ATPSCKMT: variants seen among roughly 807,000 people sequenced by gnomAD.
ATPSCKMT encodes the protein ATP synthase subunit C lysine N-methyltransferase.
A neutral mutation model predicts 24.3 loss-of-function variants in ATPSCKMT; 24 were observed. That is an observed-to-expected ratio of 0.99 (90% CI 0.71 to 1.39). The LOEUF (loss-of-function observed/expected upper bound fraction) is 1.39. Ranked by LOEUF, ATPSCKMT falls within the 40% of genes most tolerant of loss-of-function variation. The pLI, the probability that ATPSCKMT is intolerant of heterozygous loss-of-function variation, is 0.00. For missense variants in ATPSCKMT, 311 were observed against 298.4 expected (o/e 1.04, Z -0.31); for synonymous variants, 95 against 110.5 (o/e 0.86, Z 0.88).
intron 1 of ATPSCKMT, among the ~76,000 whole-genome samples, chr5:10,241,771 CTGCAATAAAGTGAGTAT>C (rs1351470564): frequency 1.3e-5 from 2 of 152,152 alleles, no homozygotes; most frequent in African/African-American, 4.8e-5. Flanking sequence ...TTCCAGACCA[CTGCAATAAAGTGAGTAT>C]TGCAATAAAG....
intron 4 of ATPSCKMT, 29 bp from the exon 5 acceptor site, chr5:10,227,676 T>C: frequency 6.2e-7 from 1 of 1,607,264 alleles, no homozygotes; most frequent in Non-Finnish European, 8.5e-7. Flanking sequence ...ATTATTTTAG[T>C]GAGCAGTGAG....
At position 10,238,187 on chromosome 5, in the gene ATPSCKMT, C is replaced by T. The variant is rs138874099; in HGVS notation, c.306+880G>A. On this transcript the variant is annotated intron_variant, in intron 2 of 4. Coordinates refer to ENST00000511437, the MANE Select transcript of ATPSCKMT (RefSeq NM_199133.4). ...GAGATGGGTGGTGGTGATGGTGGCA[C>T]GGCAACGTGAATATGCTTCACACCC... Among the ~76,000 whole-genome samples, 208 of 152,074 alleles carry T rather than the reference C, an allele frequency of 1.4e-3. 1 individual carries two copies. The highest frequency in any genetic ancestry group is 4.3e-3 in the African/African-American group (177 of 41,454).
chr5:10,245,082 T>G (rs1456428145), intron 1 of ATPSCKMT, among the ~76,000 whole-genome samples: 4 of 152,316 alleles, frequency 2.6e-5, no homozygotes, highest in South Asian at 2.1e-4. Context: ...AAGTTGTTAC[T>G]AAGGCATGGT....
intron 1 of ATPSCKMT, among the ~76,000 whole-genome samples, chr5:10,243,354 C>T (rs995989746): frequency 3.9e-5 from 6 of 152,124 alleles, no homozygotes; most frequent in African/African-American, 7.2e-5. Context: ...CGTGGTGGCA[C>T]GCCCCTGTAA....
intron 2 of ATPSCKMT, 151 bp downstream of exon 2, chr5:10,238,916 A>T (rs765056811): frequency 4.2e-4 from 370 of 877,110 alleles, no homozygotes; most frequent in Non-Finnish European, 6.1e-4. Flanking sequence ...ACACACTGGT[A>T]GTTGAATAGT....
In ATPSCKMT at chr5:10,236,497, T is replaced by C; in HGVS notation, c.425A>G (p.Tyr142Cys). ...REGVHGSAKF[Y>C]ISDLWKVTFS... ...ACATACCTTCCACAAATCTGAAATA[T>C]AAAATTTGGCAGATCCATGCACACC... Residue 142 changes from tyrosine to cysteine, a missense_variant, in exon 3 of 5, where the codon TAT (tyrosine) becomes TGT (cysteine). Coordinates refer to ENST00000511437, the MANE Select transcript of ATPSCKMT (RefSeq NM_199133.4). The C allele has an allele frequency of 6.2e-7, 1 of 1,614,164 alleles. No individual in the cohort carries two copies.
intron 4 of ATPSCKMT, among the ~76,000 whole-genome samples, chr5:10,233,771 T>A (rs1744258205): frequency 6.6e-6 from 1 of 152,208 alleles, no homozygotes; most frequent in Admixed American, 6.5e-5. Context: ...TCTATTTTTA[T>A]AAAGCACAGA....
Position 10,239,430 on chromosome 5 carries a change from T to C in ATPSCKMT, c.17-74A>G, listed in dbSNP as rs1579428280. On this transcript the variant is annotated intron_variant, in intron 1 of 4. Transcript: ENST00000511437. The stretch of plus-strand genomic sequence containing the variant: ...TCCAAGAGAGCATTTTTTTCTACAA[T>C]TCTCATTGGCAAACAAACTCATGCT... 2.0e-5 allele frequency: 27 copies of C among 1,318,874 alleles called. 1 individual carries two copies. In the South Asian group the frequency reaches 3.7e-4, roughly 18 times the overall value. The allele number at this position is 1,318,874 out of a possible 1,614,324, so 81.7% of individuals were successfully genotyped here. A position where few individuals can be genotyped will look rare whatever the true frequency, so the allele number is the denominator to read the frequency against.
chr5:10,239,064 C>T lies in ATPSCKMT; in HGVS notation c.306+3G>A. 1 of 1,610,794 alleles carries T rather than the reference C, an allele frequency of 6.2e-7. No individual in the cohort carries two copies. Among genetic ancestry groups the T allele is most frequent in the Non-Finnish European group, 8.5e-7 (1 of 1,177,818 alleles). Reference sequence around the variant, plus strand: ...AACCTTAAAATGTTTTAGCAGAACTCACAATGCGTCCGTCCCCACTACCGA... The same window carrying T: ...AACCTTAAAATGTTTTAGCAGAACTTACAATGCGTCCGTCCCCACTACCGA... On this transcript the variant is annotated splice_donor_region_variant and intron_variant, in intron 2 of 4. Coordinates refer to ENST00000511437, the MANE Select transcript of ATPSCKMT (RefSeq NM_199133.4).
At chr5:10,236,276 C>A in intron 3 of ATPSCKMT, 2 of 449,368 alleles carry the variant, frequency 4.5e-6, no homozygotes. Context: ...TTCACAAGAC[C>A]TATCATATAA....
At chr5:10,242,049 GTGTA>G (rs1469257631) in intron 1 of ATPSCKMT, among the ~76,000 whole-genome samples, 1 of 152,150 alleles carries the variant, frequency 6.6e-6, no homozygotes, top group Non-Finnish European at 1.5e-5. Flanking sequence ...CTTTTCACTG[GTGTA>G]GGATCTGGCC....
chr5:10,244,976 C>T (rs956698881), intron 1 of ATPSCKMT, among the ~76,000 whole-genome samples: 10 of 151,352 alleles, frequency 6.6e-5, no homozygotes, highest in African/African-American at 2.4e-4. Context: ...AAAAAATTAT[C>T]TTGTGGACAT....
intron 1 of ATPSCKMT, among the ~76,000 whole-genome samples, chr5:10,245,250 C>G (rs1285358445): frequency 1.3e-5 from 2 of 151,510 alleles, no homozygotes; most frequent in Admixed American, 1.3e-4. Flanking sequence ...GAAACCCTGT[C>G]TCTACTAAAA....
chr5:10,233,257 C>T (rs1744232354), intron 4 of ATPSCKMT, among the ~76,000 whole-genome samples: 1 of 151,892 alleles, frequency 6.6e-6, no homozygotes, highest in Non-Finnish European at 1.5e-5. Context: ...CACACGCCCC[C>T]TCCCCTCATG....
intron 1 of ATPSCKMT, among the ~76,000 whole-genome samples, chr5:10,243,416 A>G (rs1744740636): frequency 6.6e-6 from 1 of 152,126 alleles, no homozygotes; most frequent in Non-Finnish European, 1.5e-5. Context: ...CCCGGGAGGC[A>G]GAGGTTGCAG....
chr5:10,235,153 TG>T, intron 4 of ATPSCKMT, 57 bp downstream of exon 4: 1 of 1,538,070 alleles, frequency 6.5e-7, no homozygotes, highest in Non-Finnish European at 9.0e-7. Context: ...GTGTTGTGGC[TG>T]GAAGGGCCTT....
intron 1 of ATPSCKMT, among the ~76,000 whole-genome samples, chr5:10,243,589 CT>C (rs1232738314): frequency 6.6e-6 from 1 of 152,260 alleles, no homozygotes; most frequent in Non-Finnish European, 1.5e-5. Context: ...GCTGCTTCAC[CT>C]TGCATTTTCA....
chr5:10,245,746 C>CAAAA (rs773111276), intron 1 of ATPSCKMT, among the ~76,000 whole-genome samples: 1 of 94,132 alleles, frequency 1.1e-5, no homozygotes, highest in East Asian at 2.8e-4. Context: ...GACCTCATTA[C>CAAAA]AAAAAAAAAA....
At chr5:10,242,928 T>C (rs1200651464) in intron 1 of ATPSCKMT, among the ~76,000 whole-genome samples, 1 of 152,242 alleles carries the variant, frequency 6.6e-6, no homozygotes, top group Non-Finnish European at 1.5e-5. Context: ...GTTTCAACAG[T>C]GGGCTTAAAA....
Sources: gnomAD v4.1 joint callset for allele counts (sites outside exome capture counted in the v4.1 genomes callset) on GRCh38, gnomAD v4.1.1 for gene constraint, MANE v1.5 for transcripts, NCBI Gene and HGNC (gene_info 2026-07-23, HGNC 2026-07-21) for gene names.